Variants in B3GALT1 observed in about 807,000 individuals in gnomAD.
B3GALT1 encodes the protein beta-1,3-galactosyltransferase 1, also known as UDP-Gal:betaGlcNAc beta 1,3-galactosyltransferase, polypeptide 1.
B3GALT1 carries 10 observed loss-of-function variants against 23.2 expected under a neutral mutation model. That is an observed-to-expected ratio of 0.43 (90% CI 0.27 to 0.73). B3GALT1 has a LOEUF of 0.73. B3GALT1 is among the 30% of genes least tolerant of loss of function. The probability of loss-of-function intolerance (pLI) is 0.21; values close to 1 mark genes in which losing one functional copy is unlikely to be tolerated. For missense variants in B3GALT1, 299 were observed against 405.4 expected (o/e 0.74, Z 2.25); for synonymous variants, 156 against 141.5 (o/e 1.10, Z -0.73).
chr2:167,694,029 C>G (rs975642442), intron 3 of B3GALT1, among the ~76,000 whole-genome samples: 8 of 152,064 alleles, frequency 5.3e-5, no homozygotes, highest in Non-Finnish European at 1.0e-4. Flanking sequence ...TGGTCTCACT[C>G]ACATGTTTGG....
chr2:167,681,000 T>A (rs1686519897), intron 3 of B3GALT1, among the ~76,000 whole-genome samples: 1 of 152,206 alleles, frequency 6.6e-6, no homozygotes, highest in African/African-American at 2.4e-5. Flanking sequence ...AATTTGTAAT[T>A]GCAAGGTTGC....
intron 1 of B3GALT1, among the ~76,000 whole-genome samples, chr2:167,454,144 C>A (rs935277201): frequency 6.6e-6 from 1 of 152,270 alleles, no homozygotes; most frequent in Non-Finnish European, 1.5e-5. Context: ...TTTGTATATT[C>A]TCTATACAAA....
intron 1 of B3GALT1, among the ~76,000 whole-genome samples, chr2:167,306,716 T>C (rs1461404976): frequency 1.3e-5 from 2 of 152,136 alleles, no homozygotes; most frequent in East Asian, 3.9e-4. Flanking sequence ...TCACGGAACT[T>C]CCTTTCAGTC....
intron 2 of B3GALT1, among the ~76,000 whole-genome samples, chr2:167,593,454 G>A (rs149405095): frequency 4.5e-4 from 69 of 152,262 alleles, no homozygotes; most frequent in African/African-American, 1.5e-3. Context: ...TAGAAATAAT[G>A]TTTAAAAGTC....
intron 2 of B3GALT1, among the ~76,000 whole-genome samples, chr2:167,547,713 A>G (rs956409807): frequency 4.0e-5 from 6 of 150,774 alleles, no homozygotes; most frequent in African/African-American, 1.2e-4. Flanking sequence ...AAAAAAAAAA[A>G]GAAGAGTCAC....
At chr2:167,553,762 A>G (rs1004454776) in intron 2 of B3GALT1, among the ~76,000 whole-genome samples, 2 of 152,204 alleles carry the variant, frequency 1.3e-5, no homozygotes, top group Non-Finnish European at 2.9e-5. Flanking sequence ...TAATTTTGGA[A>G]CTACAGCTAT....
At chr2:167,630,601 A>T (rs1311696794) in intron 2 of B3GALT1, among the ~76,000 whole-genome samples, 2 of 151,596 alleles carry the variant, frequency 1.3e-5, no homozygotes, top group Admixed American at 1.3e-4. Flanking sequence ...AAGTGTCATG[A>T]TATCTGCAGT....
chr2:167,841,637 C>G (rs1207493952), intron 4 of B3GALT1, among the ~76,000 whole-genome samples: 1 of 152,224 alleles, frequency 6.6e-6, no homozygotes, highest in African/African-American at 2.4e-5. Flanking sequence ...CCCTTCCAGC[C>G]TCCCCCTTCT....
intron 3 of B3GALT1, among the ~76,000 whole-genome samples, chr2:167,687,304 G>A (rs1307207915): frequency 6.6e-6 from 1 of 152,140 alleles, no homozygotes; most frequent in Non-Finnish European, 1.5e-5. Context: ...AAAAATTATA[G>A]AGTATCCTAA....
intron 1 of B3GALT1, among the ~76,000 whole-genome samples, chr2:167,452,099 C>T (rs1003048936): frequency 7.2e-5 from 11 of 152,072 alleles, no homozygotes; most frequent in East Asian, 1.9e-4. Flanking sequence ...CCCGGGCTAC[C>T]GGTTTCCCAG....
chr2:167,502,544 T>G (rs1699861994), intron 2 of B3GALT1, among the ~76,000 whole-genome samples: 1 of 145,438 alleles, frequency 6.9e-6, no homozygotes, highest in African/African-American at 2.6e-5. Flanking sequence ...AAACTTACAA[T>G]CATGGAGGAA....
intron 1 of B3GALT1, among the ~76,000 whole-genome samples, chr2:167,445,399 A>G (rs1356941607): frequency 6.6e-6 from 1 of 152,208 alleles, no homozygotes; most frequent in East Asian, 1.9e-4. Context: ...TGCAGAGCTG[A>G]GTTAAATTCC....
At position 167,870,976 on chromosome 2, in the gene B3GALT1, C is replaced by T. The variant is rs1690335991; in HGVS notation, c.*956C>T. The T allele has an allele frequency of 6.1e-6, 1 of 164,986 alleles. No homozygotes were observed. Among genetic ancestry groups the T allele is most frequent in the South Asian group, 2.1e-4 (1 of 4,818 alleles). The allele number at this position is 164,986 out of a possible 1,614,324, so 10.2% of individuals were successfully genotyped here. On this transcript the variant is annotated 3_prime_UTR_variant, in exon 5 of 5. Coordinates refer to ENST00000392690, the MANE Select transcript of B3GALT1 (RefSeq NM_020981.4). Reference sequence around the variant, plus strand: ...TAAGCTTAGCAATAGTATAAGATGCCCCCACACACAGACATTTGCAAAGCA... The same window carrying T: ...TAAGCTTAGCAATAGTATAAGATGCTCCCACACACAGACATTTGCAAAGCA...
chr2:167,452,079 G>A (rs1435335769), intron 1 of B3GALT1, among the ~76,000 whole-genome samples: 1 of 152,126 alleles, frequency 6.6e-6, no homozygotes, highest in Non-Finnish European at 1.5e-5. Context: ...AAGCAGAGCT[G>A]AGAACTTGCC....
chr2:167,838,978 C>G (rs1395218914), intron 4 of B3GALT1, among the ~76,000 whole-genome samples: 1 of 152,184 alleles, frequency 6.6e-6, no homozygotes, highest in Non-Finnish European at 1.5e-5. Context: ...AATTCAACAA[C>G]CCTTCATGCT....
chr2:167,568,920 T>G (rs552645887), intron 2 of B3GALT1, among the ~76,000 whole-genome samples: 11 of 152,126 alleles, frequency 7.2e-5, no homozygotes, highest in African/African-American at 2.6e-4. Flanking sequence ...GGTATGTGTT[T>G]AGATTCATTG....
intron 1 of B3GALT1, among the ~76,000 whole-genome samples, chr2:167,309,698 AAAGTT>A (rs1015240287): frequency 3.3e-5 from 5 of 152,110 alleles, no homozygotes; most frequent in Admixed American, 1.3e-4. Flanking sequence ...AATCTGCAAA[AAAGTT>A]AAGTTGATAG....
intron 4 of B3GALT1, among the ~76,000 whole-genome samples, chr2:167,833,011 G>A (rs1193255867): frequency 2.0e-5 from 3 of 152,202 alleles, no homozygotes; most frequent in Non-Finnish European, 4.4e-5. Flanking sequence ...GAGCAAAAAG[G>A]TTTCTGCTCT....
intron 3 of B3GALT1, among the ~76,000 whole-genome samples, chr2:167,797,089 G>T (rs1439011149): frequency 6.6e-6 from 1 of 152,062 alleles, no homozygotes; most frequent in African/African-American, 2.4e-5. Context: ...TAGGTATTAA[G>T]CCCAGCATCC....
Sources: gnomAD v4.1 joint callset for allele counts (sites outside exome capture counted in the v4.1 genomes callset) on GRCh38, gnomAD v4.1.1 for gene constraint, MANE v1.5 for transcripts, NCBI Gene and HGNC (gene_info 2026-07-23, HGNC 2026-07-21) for gene names.